DOK6: variants seen among roughly 807,000 people sequenced by gnomAD.
DOK6 encodes the protein downstream of tyrosine kinase 6.
In DOK6, 22 loss-of-function variants were observed where a neutral mutation model predicts 44.0. The ratio of observed to expected loss-of-function variants is 0.50; its 90% confidence interval spans 0.36 to 0.71. DOK6 has a LOEUF of 0.71. Ranked by LOEUF, DOK6 falls within the 30% of genes least tolerant of loss-of-function variation. DOK6 has a pLI of 0.00. For synonymous variants in DOK6, 166 were observed against 145.5 expected, an observed-to-expected ratio of 1.14 and a Z score of -1.01; for missense variants, 340 against 416.4, an observed-to-expected ratio of 0.82 and a Z score of 1.60.
intron 1 of DOK6, among the ~76,000 whole-genome samples, chr18:69,541,507 G>A (rs1407599176): frequency 6.6e-6 from 1 of 151,370 alleles, no homozygotes; most frequent in Non-Finnish European, 1.5e-5. Flanking sequence ...GTATGAAAGT[G>A]TTATTAATGT....
chr18:69,794,929 T>C (rs940460566), intron 7 of DOK6, among the ~76,000 whole-genome samples: 1 of 152,176 alleles, frequency 6.6e-6, no homozygotes, highest in Non-Finnish European at 1.5e-5. Context: ...CATATAGGAC[T>C]GTCTAGCTGC....
chr18:69,698,036 C>T (rs984846556), intron 4 of DOK6, among the ~76,000 whole-genome samples: 3 of 152,190 alleles, frequency 2.0e-5, no homozygotes, highest in Admixed American at 1.3e-4. Context: ...TCGCTGGAAT[C>T]GTATCTGTGA....
intron 1 of DOK6, among the ~76,000 whole-genome samples, chr18:69,504,179 C>T (rs2144550638): frequency 6.6e-6 from 1 of 151,990 alleles, no homozygotes. Flanking sequence ...GAGTAGGTAA[C>T]TTAAAATAAA....
At chr18:69,411,254 A>G (rs1330811101) in intron 1 of DOK6, among the ~76,000 whole-genome samples, 1 of 152,200 alleles carries the variant, frequency 6.6e-6, no homozygotes, top group African/African-American at 2.4e-5. Flanking sequence ...GAAAAGATCC[A>G]GAATAAGGGT....
chr18:69,798,380 G>A (rs917833871), intron 7 of DOK6, among the ~76,000 whole-genome samples: 1 of 152,038 alleles, frequency 6.6e-6, no homozygotes, highest in Non-Finnish European at 1.5e-5. Flanking sequence ...CAGGCTAAAG[G>A]ATTGTAAGAG....
intron 6 of DOK6, among the ~76,000 whole-genome samples, chr18:69,743,052 G>T (rs548086801): frequency 6.6e-6 from 1 of 152,154 alleles, no homozygotes; most frequent in South Asian, 2.1e-4. Flanking sequence ...ATCAGAAACT[G>T]GTCTTGGCAG....
intron 1 of DOK6, among the ~76,000 whole-genome samples, chr18:69,547,163 T>G (rs1037119219): frequency 6.6e-6 from 1 of 151,612 alleles, no homozygotes; most frequent in African/African-American, 2.4e-5. Context: ...TGCAGTGGTG[T>G]GATCTTGGCT....
At chr18:69,724,311 G>A (rs1181315146) in intron 5 of DOK6, among the ~76,000 whole-genome samples, 1 of 152,162 alleles carries the variant, frequency 6.6e-6, no homozygotes, top group African/African-American at 2.4e-5. Context: ...AAACCCTATA[G>A]ATATTACTTT....
Position 69,618,041 on chromosome 18 carries a change from G to A in DOK6, c.289+18543G>A, listed in dbSNP as rs551355840. ...AAACACAGAGGAGACATGGAAAGAA[G>A]AGAGCCACGTGGAGATGCAAAGAGG... is the stretch of plus-strand genomic sequence containing the variant. On this transcript the variant is annotated intron_variant, in intron 3 of 7. Coordinates refer to ENST00000382713, the MANE Select transcript of DOK6 (RefSeq NM_152721.6). Among the ~76,000 whole-genome samples the A allele has an allele frequency of 3.9e-5, 6 of 152,296 alleles. No homozygotes were observed. In the East Asian group the frequency reaches 1.2e-3, roughly 29 times the overall value.
intron 3 of DOK6, among the ~76,000 whole-genome samples, chr18:69,650,173 G>C (rs1194918277): frequency 6.6e-6 from 1 of 152,052 alleles, no homozygotes; most frequent in East Asian, 1.9e-4. Flanking sequence ...AAAATTTTAG[G>C]ATTTTCTATG....
intron 1 of DOK6, among the ~76,000 whole-genome samples, chr18:69,530,091 TTATTAA>T (rs1427572659): frequency 6.6e-6 from 1 of 152,148 alleles, no homozygotes; most frequent in Non-Finnish European, 1.5e-5. Context: ...ATTATTGTTA[TTATTAA>T]TATTATTACC....
chr18:69,835,486 A>AC (rs1377103425), intron 7 of DOK6, among the ~76,000 whole-genome samples: 76 of 1,278 alleles, frequency 0.059, no homozygotes, highest in East Asian at 0.25. Context: ...AACAACAACA[A>AC]AAAAAAAAAC....
intron 1 of DOK6, among the ~76,000 whole-genome samples, chr18:69,473,185 G>A (rs143740936): frequency 6.6e-6 from 1 of 152,238 alleles, no homozygotes; most frequent in East Asian, 1.9e-4. Context: ...TTATAAATAG[G>A]CTTGCCAAGT....
chr18:69,464,513 T>C (rs565486713), intron 1 of DOK6, among the ~76,000 whole-genome samples: 1 of 152,354 alleles, frequency 6.6e-6, no homozygotes, highest in East Asian at 1.9e-4. Context: ...AAGAGGAAGC[T>C]AATACACAAT....
At chr18:69,613,443 T>C (rs183157330) in intron 3 of DOK6, among the ~76,000 whole-genome samples, 10 of 152,300 alleles carry the variant, frequency 6.6e-5, no homozygotes, top group Non-Finnish European at 1.3e-4. Context: ...AAAAAGGAGA[T>C]GACGTAGAGA....
intron 7 of DOK6, among the ~76,000 whole-genome samples, chr18:69,779,686 C>T (rs543952975): frequency 9.0e-6 from 1 of 111,042 alleles, no homozygotes; most frequent in Non-Finnish European, 2.0e-5. Context: ...GGTCTCTCTG[C>T]CCCGTGTGTG....
At chr18:69,605,621 A>C (rs939572602) in intron 3 of DOK6, among the ~76,000 whole-genome samples, 1 of 152,158 alleles carries the variant, frequency 6.6e-6, no homozygotes, top group Admixed American at 6.5e-5. Context: ...AAATAATCCC[A>C]CTCATAATCT....
chr18:69,841,213 C>G, intron 7 of DOK6, 31 bp from the exon 8 acceptor site: 1 of 1,613,298 alleles, frequency 6.2e-7, no homozygotes, highest in Non-Finnish European at 8.5e-7. Flanking sequence ...GAATCTGTTT[C>G]TCAGTAGAGC....
At chr18:69,760,286 C>G (rs530742758) in intron 7 of DOK6, among the ~76,000 whole-genome samples, 5 of 152,136 alleles carry the variant, frequency 3.3e-5, no homozygotes, top group African/African-American at 1.2e-4. Context: ...AAATTCAGAA[C>G]CTCAGCACCC....
Sources: allele counts gnomAD v4.1 joint callset (sites outside exome capture counted in the v4.1 genomes callset), GRCh38; gene constraint gnomAD v4.1.1; transcripts MANE v1.5; gene names NCBI Gene and HGNC (gene_info 2026-07-23, HGNC 2026-07-21).